Variants in GALM observed in about 807,000 individuals in gnomAD.
GALM encodes aldose 1-epimerase.
A neutral mutation model predicts 37.4 loss-of-function variants in GALM; 43 were observed. That is an observed-to-expected ratio of 1.15 (90% CI 0.90 to 1.48). The LOEUF (loss-of-function observed/expected upper bound fraction) is 1.48, where lower values mean the gene tolerates loss of function less well. Among genes scored for constraint, GALM ranks in the 40% most tolerant of loss-of-function variants. The pLI, the probability that GALM is intolerant of heterozygous loss-of-function variation, is 0.00. For synonymous variants in GALM, 199 were observed against 170.6 expected (o/e 1.17, Z -1.30); for missense variants, 456 against 419.1 (o/e 1.09, Z -0.77).
intron 4 of GALM, among the ~76,000 whole-genome samples, chr2:38,697,950 G>T (rs1331013747): frequency 4.9e-5 from 7 of 144,254 alleles, no homozygotes; most frequent in East Asian, 4.0e-4. Flanking sequence ...GGGTTTTGGG[G>T]TTTTTTTTTT....
chr2:38,698,680 G>A (rs1665859405), intron 4 of GALM, among the ~76,000 whole-genome samples: 2 of 152,198 alleles, frequency 1.3e-5, no homozygotes, highest in Admixed American at 1.3e-4. Context: ...CCCTGAAGCT[G>A]TTTCCCAGAA....
chr2:38,719,810 C>A (rs1666340359), intron 4 of GALM, among the ~76,000 whole-genome samples: 1 of 150,714 alleles, frequency 6.6e-6, no homozygotes, highest in African/African-American at 2.4e-5. Flanking sequence ...TCTGTCACAC[C>A]TCAGAGAACC....
At chr2:38,688,596 T>C (rs1199171858) in intron 3 of GALM, among the ~76,000 whole-genome samples, 1 of 152,222 alleles carries the variant, frequency 6.6e-6, no homozygotes, top group East Asian at 1.9e-4. Flanking sequence ...AGCTCATCTT[T>C]GAGCATTCAC....
intron 4 of GALM, among the ~76,000 whole-genome samples, chr2:38,721,326 T>C (rs1345205020): frequency 6.6e-6 from 1 of 152,190 alleles, no homozygotes; most frequent in Non-Finnish European, 1.5e-5. Flanking sequence ...TTTCCAGTGA[T>C]CAGATCTACT....
chr2:38,670,760 TTAAC>T (rs1466960281), intron 1 of GALM, among the ~76,000 whole-genome samples: 4 of 152,210 alleles, frequency 2.6e-5, no homozygotes, highest in African/African-American at 9.6e-5. Context: ...TTTCACTTAA[TTAAC>T]ACTGCAAAAA....
At chr2:38,696,431 TTC>T (rs1665806967) in intron 4 of GALM, among the ~76,000 whole-genome samples, 1 of 145,026 alleles carries the variant, frequency 6.9e-6, no homozygotes, top group African/African-American at 2.5e-5. Context: ...TCTTTTTCTT[TTC>T]TTTTTTTTTT....
chr2:38,719,878 A>G (rs1195218035), intron 4 of GALM, among the ~76,000 whole-genome samples: 5 of 149,272 alleles, frequency 3.3e-5, no homozygotes, highest in East Asian at 2.2e-4. Flanking sequence ...GAGCCTTAGG[A>G]ATTTCACTTT....
intron 3 of GALM, among the ~76,000 whole-genome samples, chr2:38,685,072 A>AT (rs1194259345): frequency 6.6e-6 from 1 of 152,000 alleles, no homozygotes; most frequent in African/African-American, 2.4e-5. Flanking sequence ...GACCCATTCC[A>AT]TTTTTCATAT....
chr2:38,668,490 C>A (rs984396088), intron 1 of GALM: 1 of 152,148 alleles, frequency 6.6e-6, no homozygotes, highest in Non-Finnish European at 1.5e-5. Flanking sequence ...CCTATGTTAA[C>A]AATAAACTGG....
chr2:38,729,604 T>C lies in GALM; in HGVS notation c.683T>C (p.Val228Ala). Residue 228 changes from valine to alanine, a missense_variant, in exon 5 of 7, where the codon GTG becomes GCG. Transcript: ENST00000272252. ...QGTAFDLRKP[V>A]ELGKHLQDFH... ...ACTGCATTCGACCTGAGAAAGCCAG[T>C]GGAGCTTGGAAAACACCTGCAGGAC... is the stretch of plus-strand genomic sequence containing the variant. 1 of 1,613,616 alleles carries C rather than the reference T, an allele frequency of 6.2e-7. No homozygotes were observed. Among genetic ancestry groups the C allele is most frequent in the Non-Finnish European group, 8.5e-7 (1 of 1,179,608 alleles).
chr2:38,700,615 G>A lies in GALM; in HGVS notation c.634+10721G>A, dbSNP rs999141719. ...TCCACCCTTTCAGTCTATGTGTGTC[G>A]TTACAGATGAAGTGAGTTTCTTGTA... On this transcript the variant is annotated intron_variant, in intron 4 of 6. Coordinates refer to ENST00000272252, the MANE Select transcript of GALM (RefSeq NM_138801.3). Among the ~76,000 whole-genome samples, 5 of 151,866 alleles carry A rather than the reference G, an allele frequency of 3.3e-5. No individual in the cohort carries two copies. The South Asian group carries it at 6.2e-4, about 19-fold the overall frequency.
intron 4 of GALM, among the ~76,000 whole-genome samples, chr2:38,692,294 G>A (rs554079856): frequency 6.6e-6 from 1 of 152,130 alleles, no homozygotes; most frequent in African/African-American, 2.4e-5. Flanking sequence ...TGATTCCTTT[G>A]AAACTTCCTC....
At chr2:38,714,365 C>G (rs1666227675) in intron 4 of GALM, among the ~76,000 whole-genome samples, 1 of 152,048 alleles carries the variant, frequency 6.6e-6, no homozygotes, top group South Asian at 2.1e-4. Flanking sequence ...CAGGCGTGCA[C>G]CACCACACTC....
At chr2:38,682,654 T>C (rs1193447637) in intron 3 of GALM, among the ~76,000 whole-genome samples, 5 of 152,146 alleles carry the variant, frequency 3.3e-5, no homozygotes, top group African/African-American at 1.2e-4. Flanking sequence ...CCCGGCACTT[T>C]GGGAGGCCGA....
intron 4 of GALM, among the ~76,000 whole-genome samples, chr2:38,724,293 T>C (rs977028161): frequency 2.0e-5 from 3 of 152,168 alleles, no homozygotes; most frequent in African/African-American, 7.2e-5. Context: ...ATCCTGTAAT[T>C]ATGTCATAAT....
rs562783835 is a variant in GALM, at chr2:38,676,627, G to C, written c.345+561G>C. Among the ~76,000 whole-genome samples the C allele has an allele frequency of 2.7e-4, 41 of 152,288 alleles. No individual in the cohort carries two copies. In the South Asian group the frequency reaches 8.5e-3, roughly 32 times the overall value. ...AAAATACAAAACTTAGCTGGGTGTG[G>C]TGGCGGCCACCTGTAATCCCAGCTA... On this transcript the variant is annotated intron_variant, in intron 2 of 6. Coordinates refer to ENST00000272252, the MANE Select transcript of GALM (RefSeq NM_138801.3).
At chr2:38,724,027 T>C (rs1469676376) in intron 4 of GALM, among the ~76,000 whole-genome samples, 1 of 151,946 alleles carries the variant, frequency 6.6e-6, no homozygotes, top group Non-Finnish European at 1.5e-5. Context: ...CAAGCAATTC[T>C]TCTGCCTCAG....
At chr2:38,666,834 A>C (rs1664952973) in intron 1 of GALM, among the ~76,000 whole-genome samples, 1 of 152,148 alleles carries the variant, frequency 6.6e-6, no homozygotes, top group South Asian at 2.1e-4. Context: ...TGCTCCACTA[A>C]GCTCAGTGGT....
chr2:38,700,894 T>C (rs1050034625), intron 4 of GALM, among the ~76,000 whole-genome samples: 7 of 152,274 alleles, frequency 4.6e-5, no homozygotes, highest in African/African-American at 1.4e-4. Flanking sequence ...GTATGTGCTC[T>C]ACCAGTGAGT....
Sources: allele counts gnomAD v4.1 joint callset (sites outside exome capture counted in the v4.1 genomes callset), GRCh38; gene constraint gnomAD v4.1.1; transcripts MANE v1.5; gene names NCBI Gene and HGNC (gene_info 2026-07-23, HGNC 2026-07-21).